The following RFX2 variants were observed in gnomAD, a reference collection of about 807,000 sequenced individuals.
RFX2 encodes the protein regulatory factor X2.
A neutral mutation model predicts 87.8 loss-of-function variants in RFX2; 20 were observed. The observed-to-expected ratio is 0.23, with a 90% CI of 0.16 to 0.33. RFX2 has a LOEUF of 0.33. Ranked by LOEUF, RFX2 falls within the 10% of genes least tolerant of loss-of-function variation. RFX2 has a pLI of 1.00. For missense variants in RFX2, 767 were observed against 1,012.3 expected, an observed-to-expected ratio of 0.76 and a Z score of 3.29; for synonymous variants, 397 against 431.3, an observed-to-expected ratio of 0.92 and a Z score of 0.98.
intron 1 of RFX2, chr19:6,073,483 C>CA: frequency 1.2e-6 from 1 of 826,860 alleles, no homozygotes; most frequent in Non-Finnish European, 1.9e-6. Context: ...CAGCTGCCGT[C>CA]AGAGTCACCA....
intron 7 of RFX2, among the ~76,000 whole-genome samples, chr19:6,015,732 C>T (rs2144709047): frequency 6.6e-6 from 1 of 152,256 alleles, no homozygotes; most frequent in African/African-American, 2.4e-5. Context: ...AACTCCTAGT[C>T]TCAAGTGATC....
At chr19:6,043,735 G>C (rs963590340) in intron 3 of RFX2, among the ~76,000 whole-genome samples, 3 of 152,222 alleles carry the variant, frequency 2.0e-5, no homozygotes, top group Admixed American at 1.3e-4. Context: ...GTGTCCCCAA[G>C]CTGATGATCT....
intron 1 of RFX2, among the ~76,000 whole-genome samples, chr19:6,091,393 AGCCATGATCGC>A (rs796790167): frequency 9.2e-5 from 14 of 151,992 alleles, no homozygotes; most frequent in African/African-American, 3.4e-4. Context: ...GGCTGCAATA[AGCCATGATCGC>A]ACCACCCCAC....
At chr19:6,093,443 G>A (rs1202976098) in intron 1 of RFX2, among the ~76,000 whole-genome samples, 2 of 152,192 alleles carry the variant, frequency 1.3e-5, no homozygotes, top group Non-Finnish European at 2.9e-5. Flanking sequence ...GCTGAGGCAC[G>A]AGAATTGCTT....
chr19:6,090,466 A>G (rs537276238), intron 1 of RFX2, among the ~76,000 whole-genome samples: 1 of 152,262 alleles, frequency 6.6e-6, no homozygotes, highest in South Asian at 2.1e-4. Flanking sequence ...CAGTCATTAC[A>G]GAAACACAAA....
chr19:6,042,027 G>C lies in RFX2; in HGVS notation c.260+17C>G. 6.2e-7 allele frequency: 1 copy of C among 1,610,368 alleles called. No individual in the cohort carries two copies. Among genetic ancestry groups the C allele is most frequent in the Non-Finnish European group, 8.5e-7 (1 of 1,176,652 alleles). On this transcript the variant is annotated intron_variant, in intron 4 of 17. Coordinates refer to ENST00000303657, the MANE Select transcript of RFX2 (RefSeq NM_000635.4). Reference sequence around the variant, plus strand: ...AGGGAGAGGGTTCCGGGTGTGGCCCGCGGGAGAAGCACGCACATGGCTCCA... The same window carrying C: ...AGGGAGAGGGTTCCGGGTGTGGCCCCCGGGAGAAGCACGCACATGGCTCCA...
chr19:6,058,252 C>G (rs1379754936), intron 1 of RFX2, among the ~76,000 whole-genome samples: 2 of 152,166 alleles, frequency 1.3e-5, no homozygotes, highest in African/African-American at 4.8e-5. Context: ...CAAGAGCACC[C>G]CCAGTTGTGA....
rs1247820416 is a variant in RFX2 at position 6,011,198 on chromosome 19, T to C, written c.900-947A>G. On this transcript the variant is annotated intron_variant, in intron 8 of 17. Coordinates refer to ENST00000303657, the MANE Select transcript of RFX2 (RefSeq NM_000635.4). This position sits in a 1 kb window ranked among gnomAD's most constrained non-coding sequence, Gnocchi z 4.8. ...ATTCTTTGCGTGAATCACAAACATC[T>C]TATTATTGGTGCAATCTTAGAAGTT... 1.3e-5 allele frequency among the ~76,000 whole-genome samples: 2 copies of C among 152,058 alleles called. No individual in the cohort carries two copies. Among genetic ancestry groups the C allele is most frequent in the Non-Finnish European group, 2.9e-5 (2 of 67,988 alleles).
At chr19:6,068,913 C>T (rs1052507709) in intron 1 of RFX2, among the ~76,000 whole-genome samples, 1 of 152,064 alleles carries the variant, frequency 6.6e-6, no homozygotes, top group African/African-American at 2.4e-5. Flanking sequence ...ATGTGATAAT[C>T]TGGGCAAGGG....
chr19:6,098,660 A>T (rs75596836), intron 1 of RFX2, among the ~76,000 whole-genome samples: 7,364 of 152,148 alleles, frequency 0.048, 600 homozygotes, highest in African/African-American at 0.17. Context: ...CTTTCTCCTC[A>T]GCCTACTGGG....
intron 3 of RFX2, among the ~76,000 whole-genome samples, chr19:6,042,743 C>T (rs1205824467): frequency 6.6e-6 from 1 of 152,230 alleles, no homozygotes; most frequent in Non-Finnish European, 1.5e-5. Flanking sequence ...CCCCAGCACA[C>T]CCCCGCTGCC....
chr19:6,093,496 C>T (rs953061191), intron 1 of RFX2, among the ~76,000 whole-genome samples: 1 of 152,050 alleles, frequency 6.6e-6, no homozygotes, highest in African/African-American at 2.4e-5. Context: ...GATTGTGCCA[C>T]TGCACTCCAG....
chr19:6,059,568 G>A (rs1599891333), intron 1 of RFX2, among the ~76,000 whole-genome samples: 2 of 152,118 alleles, frequency 1.3e-5, no homozygotes, highest in East Asian at 3.9e-4. Context: ...TGGAGTGAAA[G>A]GTAACTGGAT....
chr19:6,042,150 C>G (rs139781953), intron 3 of RFX2, 27 bp from the exon 4 acceptor site: 1 of 1,601,008 alleles, frequency 6.2e-7, no homozygotes, highest in Admixed American at 1.7e-5. Context: ...GCTGCGTTAC[C>G]GCCAGTCACG....
rs371389734 is a variant in RFX2 at position 6,042,159 on chromosome 19, C to T, written c.181-36G>A. The T allele has an allele frequency of 3.4e-5, 54 of 1,590,692 alleles. No homozygotes were observed. In the African/African-American group the frequency reaches 5.1e-4, roughly 15 times the overall value. On this transcript the variant is annotated intron_variant, in intron 3 of 17. Transcript: ENST00000303657. ...GGATACGCTGCGTTACCGCCAGTCACGCCCTCGTGAGTTGCCTGCAGATTA... is the reference window on the plus strand; with the variant it reads ...GGATACGCTGCGTTACCGCCAGTCATGCCCTCGTGAGTTGCCTGCAGATTA...
intron 1 of RFX2, among the ~76,000 whole-genome samples, chr19:6,059,961 T>TGG (rs143270181): frequency 5.9e-5 from 9 of 152,082 alleles, no homozygotes; most frequent in Non-Finnish European, 8.8e-5. Context: ...TAAAAAGTGA[T>TGG]GGGGGGGAGC....
At position 6,063,280 on chromosome 19, in the gene RFX2, G is replaced by C. The variant is rs926918856; in HGVS notation, c.-8-15776C>G. 6.6e-6 allele frequency among the ~76,000 whole-genome samples: 1 copy of C among 152,190 alleles called. No individual in the cohort carries two copies. Among genetic ancestry groups the C allele is most frequent in the Admixed American group, 6.5e-5 (1 of 15,282 alleles). ...CTACGCCTGCCAGACCCCCAGGCCTGAGCGCCAGCCCTTCACTGATCAGCT... is the reference window on the plus strand; with the variant it reads ...CTACGCCTGCCAGACCCCCAGGCCTCAGCGCCAGCCCTTCACTGATCAGCT... On this transcript the variant is annotated intron_variant, in intron 1 of 17. Coordinates refer to ENST00000303657, the MANE Select transcript of RFX2 (RefSeq NM_000635.4). This position sits in a 1 kb window ranked among gnomAD's most constrained non-coding sequence, Gnocchi z 4.0.
At chr19:6,059,455 C>A (rs562471092) in intron 1 of RFX2, among the ~76,000 whole-genome samples, 1 of 152,282 alleles carries the variant, frequency 6.6e-6, no homozygotes, top group Non-Finnish European at 1.5e-5. Context: ...TGGCAGGCAA[C>A]CTGATTCCAC....
intron 9 of RFX2, among the ~76,000 whole-genome samples, chr19:6,008,533 A>G (rs1406122184): frequency 6.6e-6 from 1 of 150,844 alleles, no homozygotes; most frequent in Non-Finnish European, 1.5e-5. Context: ...CCACGATGCC[A>G]GCTAATTTTT....
Sources: gnomAD v4.1 joint callset for allele counts (sites outside exome capture counted in the v4.1 genomes callset) on GRCh38, gnomAD v4.1.1 for gene constraint, Gnocchi (gnomAD v3.1) non-coding constraint, MANE v1.5 for transcripts, NCBI Gene and HGNC (gene_info 2026-07-23, HGNC 2026-07-21) for gene names.